TEC: variants seen among roughly 807,000 people sequenced by gnomAD.
The protein encoded by TEC is tyrosine-protein kinase Tec.
TEC carries 72 observed loss-of-function variants against 93.0 expected under a neutral mutation model. That is an observed-to-expected ratio of 0.77 (90% CI 0.64 to 0.94). TEC has a LOEUF of 0.94. TEC is among the 40% of genes least tolerant of loss of function. The probability of loss-of-function intolerance (pLI) is 0.00; values close to 1 mark genes in which losing one functional copy is unlikely to be tolerated. For synonymous variants in TEC, 249 were observed against 247.7 expected (o/e 1.01, Z -0.05); for missense variants, 630 against 757.9 (o/e 0.83, Z 1.98).
intron 11 of TEC, among the ~76,000 whole-genome samples, chr4:48,148,852 G>A (rs1034477693): frequency 1.3e-5 from 2 of 152,122 alleles, no homozygotes; most frequent in South Asian, 2.1e-4. Flanking sequence ...AGATGCCAGT[G>A]TGTGTTGTTC....
At chr4:48,236,407 G>T (rs930515110) in intron 1 of TEC, among the ~76,000 whole-genome samples, 3 of 151,366 alleles carry the variant, frequency 2.0e-5, no homozygotes, top group Non-Finnish European at 4.4e-5. Context: ...TCAGCCTCCC[G>T]AGTAGCTGGG....
intron 2 of TEC, among the ~76,000 whole-genome samples, chr4:48,223,858 T>G (rs1391656157): frequency 6.6e-6 from 1 of 152,198 alleles, no homozygotes; most frequent in African/African-American, 2.4e-5. Context: ...CTTGGTACAC[T>G]AGGCATAGGA....
chr4:48,250,192 A>G (rs1346171615), intron 1 of TEC, among the ~76,000 whole-genome samples: 1 of 152,230 alleles, frequency 6.6e-6, no homozygotes, highest in African/African-American at 2.4e-5. Flanking sequence ...CCAGTATCCA[A>G]GTAAATGGCC....
chr4:48,160,516 C>G (rs1190393984), intron 8 of TEC, among the ~76,000 whole-genome samples: 1 of 152,018 alleles, frequency 6.6e-6, no homozygotes, highest in Non-Finnish European at 1.5e-5. Context: ...CACTTCAGGT[C>G]AAGAGTTTGA....
Position 48,148,276 on chromosome 4 carries a change from T to C in TEC, c.1006+1281A>G, listed in dbSNP as rs186665877. 2.2e-4 allele frequency among the ~76,000 whole-genome samples: 33 copies of C among 152,250 alleles called. No individual in the cohort carries two copies. The East Asian group carries it at 5.8e-3, about 27-fold the overall frequency. ...ATTTTATCTAAATAACCATTATTAT[T>C]ATCTGAAAAAAAAGTGAACAGTCAC... On this transcript the variant is annotated intron_variant, in intron 11 of 17. Coordinates refer to ENST00000381501, the MANE Select transcript of TEC (RefSeq NM_003215.3).
At chr4:48,215,203 C>T (rs541278930) in intron 2 of TEC, among the ~76,000 whole-genome samples, 86 of 152,188 alleles carry the variant, frequency 5.7e-4, no homozygotes, top group Non-Finnish European at 1.0e-3. Context: ...AGATACTCAA[C>T]ACTTTTTTAT....
chr4:48,234,001 C>T (rs1723712257), intron 1 of TEC, among the ~76,000 whole-genome samples: 3 of 152,008 alleles, frequency 2.0e-5, no homozygotes, highest in Admixed American at 6.6e-5. Flanking sequence ...TGAAATACTA[C>T]CAAATTAAGG....
chr4:48,199,352 C>T (rs560168904), intron 2 of TEC, among the ~76,000 whole-genome samples: 1 of 151,788 alleles, frequency 6.6e-6, no homozygotes, highest in African/African-American at 2.4e-5. Flanking sequence ...ATCTCTTTCA[C>T]ATGACACAAA....
intron 2 of TEC, among the ~76,000 whole-genome samples, chr4:48,218,426 C>T (rs1331845053): frequency 6.6e-6 from 1 of 152,210 alleles, no homozygotes; most frequent in Non-Finnish European, 1.5e-5. Flanking sequence ...TGAGCCACCA[C>T]ACCTGCCAGA....
At chr4:48,182,002 T>C (rs1721609850) in intron 2 of TEC, among the ~76,000 whole-genome samples, 1 of 152,030 alleles carries the variant, frequency 6.6e-6, no homozygotes, top group Non-Finnish European at 1.5e-5. Flanking sequence ...TTGTGGCCCA[T>C]CTGGGTGGAG....
intron 7 of TEC, among the ~76,000 whole-genome samples, chr4:48,164,552 T>TACAC (rs3062061): frequency 0.29 from 44,509 of 151,094 alleles, 7,384 homozygotes; most frequent in East Asian, 0.68. Context: ...GAACTCATAA[T>TACAC]ACACACACAC....
intron 2 of TEC, among the ~76,000 whole-genome samples, chr4:48,204,684 G>C (rs1722644427): frequency 6.6e-6 from 1 of 152,134 alleles, no homozygotes; most frequent in South Asian, 2.1e-4. Context: ...ACATCATCAA[G>C]CATTAGGTTT....
chr4:48,176,396 A>C (rs1453258961), intron 2 of TEC, among the ~76,000 whole-genome samples: 1 of 145,208 alleles, frequency 6.9e-6, no homozygotes, highest in Non-Finnish European at 1.5e-5. Flanking sequence ...ATTTATCAAG[A>C]TGAAACTGTT....
intron 1 of TEC, among the ~76,000 whole-genome samples, chr4:48,254,382 A>T (rs1426679999): frequency 6.6e-6 from 1 of 152,232 alleles, no homozygotes; most frequent in East Asian, 1.9e-4. Context: ...AGTAGGCTAC[A>T]GCAGAGAGAG....
rs1195314878 is a variant in TEC, at chr4:48,163,712, C to A, written c.727G>T (p.Asp243Tyr). The A allele has an allele frequency of 1.3e-6, 2 of 1,487,340 alleles. No individual in the cohort carries two copies. The highest frequency in any genetic ancestry group is 2.6e-5 in the South Asian group (2 of 77,062). 92.1% of individuals were successfully genotyped at this position (1,487,340 alleles called of 1,614,324 possible). The change falls in exon 8 of 18, where the codon GAT (aspartate) becomes TAT (tyrosine). Residue 243 changes from aspartate to tyrosine, a missense_variant. Transcript: ENST00000381501. ...TAAACATTTACTTACTCATATTGAT[C>A]TAAGTTGTTTGATTTCTTTCCCGTT... ...YVTGKKSNNL[D>Y]QYEWYCRNMN...
In TEC at chr4:48,170,360, A is replaced by G. The variant is rs921419437; in HGVS notation, c.342T>C (p.Asn114=). ...KKLKEEIKNN[N]NIMIKYHPKF... ...TAGGATGATATTTAATCATAATATTATTGTTGTTCTTTATTTCTGTAATTC... is the reference window on the plus strand; with the variant it reads ...TAGGATGATATTTAATCATAATATTGTTGTTGTTCTTTATTTCTGTAATTC... Residue 114 remains asparagine, a synonymous_variant, in exon 5 of 18, where the codon AAT becomes AAC. Transcript: ENST00000381501. 16 of 1,423,306 alleles carry G rather than the reference A, an allele frequency of 1.1e-5. No homozygotes were observed. Among genetic ancestry groups the G allele is most frequent in the Non-Finnish European group, 1.5e-5 (15 of 1,015,928 alleles). The allele number at this position is 1,423,306 out of a possible 1,614,324, so 88.2% of individuals were successfully genotyped here. A position where few individuals can be genotyped will look rare whatever the true frequency, so the allele number is the denominator to read the frequency against.
intron 9 of TEC, among the ~76,000 whole-genome samples, chr4:48,153,817 G>A (rs767176911): frequency 2.6e-5 from 4 of 152,160 alleles, no homozygotes; most frequent in Admixed American, 6.5e-5. Flanking sequence ...CTGCAGCAAC[G>A]CCTTCATAAT....
In TEC at chr4:48,139,062, C is replaced by T. The variant is rs528452723; in HGVS notation, c.1536-40G>A. On this transcript the variant is annotated intron_variant, in intron 15 of 17. Transcript: ENST00000381501. ...ACCATGGGTTTACACCTCTGAAGAA[C>T]AATCTGTTTTTTCTACTTGCTCTTT... 7 of 1,517,558 alleles carry T rather than the reference C, an allele frequency of 4.6e-6. No individual in the cohort carries two copies. In the East Asian group the frequency reaches 1.4e-4, roughly 30 times the overall value. The allele number at this position is 1,517,558 out of a possible 1,614,324, so 94.0% of individuals were successfully genotyped here. A position where few individuals can be genotyped will look rare whatever the true frequency, so the allele number is the denominator to read the frequency against.
At chr4:48,184,498 T>C (rs540532404) in intron 2 of TEC, among the ~76,000 whole-genome samples, 1 of 152,288 alleles carries the variant, frequency 6.6e-6, no homozygotes, top group African/African-American at 2.4e-5. Flanking sequence ...CCGTAAGTAG[T>C]TCTCTTGCCA....
Sources: allele counts gnomAD v4.1 joint callset (sites outside exome capture counted in the v4.1 genomes callset), GRCh38; gene constraint gnomAD v4.1.1; transcripts MANE v1.5; gene names NCBI Gene and HGNC (gene_info 2026-07-23, HGNC 2026-07-21).